Variants in KCNN2 observed in about 807,000 individuals in gnomAD.
KCNN2 encodes potassium calcium-activated channel subfamily N member 2.
A neutral mutation model predicts 55.5 loss-of-function variants in KCNN2; 24 were observed. The observed-to-expected ratio is 0.43, with a 90% CI of 0.31 to 0.61. The LOEUF (loss-of-function observed/expected upper bound fraction) is 0.61. KCNN2 is among the 20% of genes least tolerant of loss of function. KCNN2 has a pLI of 0.08. For synonymous variants in KCNN2, 431 were observed against 336.1 expected, an observed-to-expected ratio of 1.28 and a Z score of -3.09; for missense variants, 754 against 853.6, an observed-to-expected ratio of 0.88 and a Z score of 1.45.
intron 2 of KCNN2, among the ~76,000 whole-genome samples, chr5:114,400,730 C>T (rs1323203298): frequency 6.6e-6 from 1 of 152,162 alleles, no homozygotes; most frequent in Non-Finnish European, 1.5e-5. Context: ...AAGCCCAGGG[C>T]CTTTACATGT....
chr5:114,152,630 C>G lies in KCNN2; in HGVS notation c.-270-68850C>G, dbSNP rs561879716. ...TCCAAGCTGGGATTATCATGGTGAGCAAAAATAGTTTCTACCCTGATAGAG... is the reference window on the plus strand; with the variant it reads ...TCCAAGCTGGGATTATCATGGTGAGGAAAAATAGTTTCTACCCTGATAGAG... On this transcript the variant is annotated intron_variant, in intron 1 of 10. Transcript: ENST00000512097. Among the ~76,000 whole-genome samples the G allele has an allele frequency of 1.9e-4, 29 of 152,076 alleles. No homozygotes were observed. The South Asian group carries it at 5.2e-3, about 27-fold the overall frequency.
intron 1 of KCNN2, among the ~76,000 whole-genome samples, chr5:114,167,425 C>T (rs1228963882): frequency 2.0e-5 from 3 of 152,068 alleles, no homozygotes; most frequent in African/African-American, 7.2e-5. Flanking sequence ...AACTTCAGAG[C>T]AAATAGAAGT....
intron 3 of KCNN2, among the ~76,000 whole-genome samples, chr5:114,418,802 C>T (rs953573949): frequency 1.3e-5 from 2 of 152,146 alleles, no homozygotes; most frequent in African/African-American, 2.4e-5. Flanking sequence ...ATAGGAACAG[C>T]GATCTAGAAT....
intron 2 of KCNN2, among the ~76,000 whole-genome samples, chr5:114,263,047 T>C (rs1456475968): frequency 2.0e-5 from 3 of 152,184 alleles, no homozygotes; most frequent in Non-Finnish European, 4.4e-5. Context: ...TGACTTGGAA[T>C]CAGGACAACT....
chr5:114,412,266 T>G (rs1383837473), intron 3 of KCNN2, among the ~76,000 whole-genome samples: 1 of 152,036 alleles, frequency 6.6e-6, no homozygotes, highest in Non-Finnish European at 1.5e-5. Flanking sequence ...TGAGCACCAA[T>G]AAAACAAAAA....
At chr5:114,330,349 A>T (rs1040248392) in intron 2 of KCNN2, among the ~76,000 whole-genome samples, 5 of 152,060 alleles carry the variant, frequency 3.3e-5, no homozygotes, top group African/African-American at 9.7e-5. Context: ...AGTACTCCAC[A>T]TGTTTTCCAT....
chr5:114,110,336 T>C (rs1225761521), intron 1 of KCNN2, among the ~76,000 whole-genome samples: 1 of 151,974 alleles, frequency 6.6e-6, no homozygotes, highest in African/African-American at 2.4e-5. Context: ...AGGAGTAGGC[T>C]TAGAAATAAG....
intron 4 of KCNN2, among the ~76,000 whole-genome samples, chr5:114,469,782 G>A (rs756682503): frequency 2.0e-5 from 3 of 152,040 alleles, no homozygotes; most frequent in African/African-American, 4.8e-5. Context: ...GAAAGCTTTC[G>A]GAAGTGAGCC....
chr5:114,200,681 T>G (rs1336947462), intron 1 of KCNN2, among the ~76,000 whole-genome samples: 1 of 152,066 alleles, frequency 6.6e-6, no homozygotes, highest in African/African-American at 2.4e-5. Context: ...TTAGTAGGGA[T>G]AATTTTTTTC....
intron 4 of KCNN2, among the ~76,000 whole-genome samples, chr5:114,469,508 G>A (rs1013854682): frequency 5.3e-5 from 8 of 152,172 alleles, no homozygotes; most frequent in African/African-American, 1.9e-4. Context: ...TGACTTTGGT[G>A]AAAGGAATAT....
chr5:114,224,421 C>A (rs1486964448), intron 2 of KCNN2, among the ~76,000 whole-genome samples: 1 of 152,130 alleles, frequency 6.6e-6, no homozygotes. Context: ...GATAGCTAAA[C>A]ATATGCATGT....
intron 2 of KCNN2, among the ~76,000 whole-genome samples, chr5:114,231,852 G>GTT (rs70976321): frequency 0.28 from 41,207 of 147,886 alleles, 6,500 homozygotes; most frequent in Non-Finnish European, 0.34. Context: ...AAAATGCCTT[G>GTT]TTTTTTTTTT....
intron 2 of KCNN2, among the ~76,000 whole-genome samples, chr5:114,327,928 C>T (rs1357281135): frequency 6.6e-6 from 1 of 152,174 alleles, no homozygotes. Flanking sequence ...TTAGTATGTG[C>T]TTGACATATT....
chr5:114,396,444 T>C (rs969207387), intron 2 of KCNN2, among the ~76,000 whole-genome samples: 15 of 152,134 alleles, frequency 9.9e-5, no homozygotes, highest in African/African-American at 3.4e-4. Context: ...TTTATTTTGG[T>C]TCAAGGGTAC....
chr5:114,348,882 C>G (rs982536256), intron 2 of KCNN2, among the ~76,000 whole-genome samples: 1 of 152,100 alleles, frequency 6.6e-6, no homozygotes, highest in African/African-American at 2.4e-5. Flanking sequence ...GCTCTCATCA[C>G]TTTTTAACAA....
At chr5:114,320,613 C>CAA (rs1226435096) in intron 2 of KCNN2, among the ~76,000 whole-genome samples, 2 of 117,940 alleles carry the variant, frequency 1.7e-5, no homozygotes, top group African/African-American at 3.1e-5. Context: ...GACTCTGTCT[C>CAA]AAAAAAAAAA....
At chr5:114,298,102 G>A (rs747782356) in intron 2 of KCNN2, among the ~76,000 whole-genome samples, 4 of 152,168 alleles carry the variant, frequency 2.6e-5, no homozygotes, top group Non-Finnish European at 4.4e-5. Context: ...TAAGTGCTCC[G>A]TAGATGCTAG....
intron 3 of KCNN2, among the ~76,000 whole-genome samples, chr5:114,409,507 G>A (rs1269590115): frequency 6.6e-6 from 1 of 152,042 alleles, no homozygotes; most frequent in Non-Finnish European, 1.5e-5. Flanking sequence ...GGATTTGAAT[G>A]AATCCTACCA....
chr5:114,185,808 T>G lies in KCNN2; in HGVS notation c.-270-35672T>G, dbSNP rs80117336. ...ATTTGACTAATGACAAGGAGGAGCC[T>G]TGTCATTAGGACAATCTTATGAAAT... is the stretch of plus-strand genomic sequence containing the variant. On this transcript the variant is annotated intron_variant, in intron 1 of 10. Transcript: ENST00000512097. 1.6e-4 allele frequency among the ~76,000 whole-genome samples: 25 copies of G among 152,354 alleles called. No individual in the cohort carries two copies. In the East Asian group the frequency reaches 2.9e-3, roughly 18 times the overall value.
Sources: allele counts gnomAD v4.1 joint callset (sites outside exome capture counted in the v4.1 genomes callset), GRCh38; gene constraint gnomAD v4.1.1; transcripts MANE v1.5; gene names NCBI Gene and HGNC (gene_info 2026-07-23, HGNC 2026-07-21).